SCN4B: variants seen among roughly 807,000 people sequenced by gnomAD.
The protein encoded by SCN4B is sodium voltage-gated channel beta subunit 4, also known as sodium channel regulatory subunit beta-4.
In SCN4B, 20 loss-of-function variants were observed where a neutral mutation model predicts 19.6. The observed-to-expected ratio is 1.02, with a 90% CI of 0.72 to 1.48. The LOEUF is 1.48. Ranked by LOEUF, SCN4B falls within the 40% of genes most tolerant of loss-of-function variation. SCN4B has a pLI of 0.00. For synonymous variants in SCN4B, 127 were observed against 122.8 expected (o/e 1.03, Z -0.22); for missense variants, 271 against 287.5 (o/e 0.94, Z 0.42).
chr11:118,135,596 C>A lies in SCN4B; in HGVS notation c.*1431G>T, dbSNP rs1242695171. ...ACCTCCCCCTAGGGCAGGCTAGAAA[C>A]CCCAATGGGAGCACCTGGCCGACAT... On this transcript the variant is annotated 3_prime_UTR_variant, in exon 5 of 5. Transcript: ENST00000324727. 4 of 454,122 alleles carry A rather than the reference C, an allele frequency of 8.8e-6. No homozygotes were observed. The highest frequency in any genetic ancestry group is 7.0e-5 in the Admixed American group (3 of 42,578). 28.1% of individuals were successfully genotyped at this position (454,122 alleles called of 1,614,324 possible).
chr11:118,136,187 G>A lies in SCN4B; in HGVS notation c.*840C>T, dbSNP rs1405791742. ...GGGGCTGCCAGCATTGGCAGCAATG[G>A]GGCGGGCATCCCAGAGGCCCAGGAC... On this transcript the variant is annotated 3_prime_UTR_variant, in exon 5 of 5. Coordinates refer to ENST00000324727, the MANE Select transcript of SCN4B (RefSeq NM_174934.4). The A allele has an allele frequency of 2.2e-6, 1 of 453,676 alleles. No individual in the cohort carries two copies. The highest frequency in any genetic ancestry group is 4.4e-6 in the Non-Finnish European group (1 of 226,694). 28.1% of individuals were successfully genotyped at this position (453,676 alleles called of 1,614,324 possible).
intron 1 of SCN4B, among the ~76,000 whole-genome samples, chr11:118,147,004 G>A (rs910621772): frequency 2.6e-5 from 4 of 152,148 alleles, no homozygotes; most frequent in South Asian, 4.1e-4. Flanking sequence ...ACTTGAGAGC[G>A]CATCAGAATC....
chr11:118,150,555 G>A lies in SCN4B; in HGVS notation c.61+2058C>T, dbSNP rs142952750. On this transcript the variant is annotated intron_variant, in intron 1 of 4. Coordinates refer to ENST00000324727, the MANE Select transcript of SCN4B (RefSeq NM_174934.4). Reference sequence around the variant, plus strand: ...AGACTTGAGTTAAGTGGGAAGCAGCGTGGTGTGACAGAGCCCAAGAAACTT... The same window carrying A: ...AGACTTGAGTTAAGTGGGAAGCAGCATGGTGTGACAGAGCCCAAGAAACTT... 6.1e-4 allele frequency among the ~76,000 whole-genome samples: 93 copies of A among 152,242 alleles called. No individual in the cohort carries two copies. The East Asian group carries it at 0.016, about 27-fold the overall frequency.
At position 118,134,325 on chromosome 11, in the gene SCN4B, T is replaced by C; in HGVS notation, c.*2702A>G. 2.2e-6 allele frequency: 1 copy of C among 454,116 alleles called. No homozygotes were observed. The highest frequency in any genetic ancestry group is 1.6e-5 in the South Asian group (1 of 64,480). The allele number at this position is 454,116 out of a possible 1,614,324, so 28.1% of individuals were successfully genotyped here. ...GCCAGGTCTCTCAAGATCGACTTTG[T>C]AAGTGGCTCTCTCTAGCCCACAAGC... On this transcript the variant is annotated 3_prime_UTR_variant, in exon 5 of 5. Coordinates refer to ENST00000324727, the MANE Select transcript of SCN4B (RefSeq NM_174934.4).
rs1308585531 is a variant in SCN4B at position 118,134,494 on chromosome 11, T to C, written c.*2533A>G. 1.5e-5 allele frequency: 7 copies of C among 454,000 alleles called. No individual in the cohort carries two copies. Among genetic ancestry groups the C allele is most frequent in the Non-Finnish European group, 3.1e-5 (7 of 226,796 alleles). The allele number at this position is 454,000 out of a possible 1,614,324, so 28.1% of individuals were successfully genotyped here. ...CATGGGACAGGATGATTCTTTGTTGTGGGGACTAAGTTTAGCATTCTTAGT... is the reference window on the plus strand; with the variant it reads ...CATGGGACAGGATGATTCTTTGTTGCGGGGACTAAGTTTAGCATTCTTAGT... On this transcript the variant is annotated 3_prime_UTR_variant, in exon 5 of 5. Transcript: ENST00000324727.
intron 4 of SCN4B, among the ~76,000 whole-genome samples, chr11:118,139,703 G>A (rs184428671): frequency 1.3e-5 from 2 of 152,194 alleles, no homozygotes; most frequent in African/African-American, 2.4e-5. Context: ...TGTGGCCTTG[G>A]GCAAGTCACT....
intron 1 of SCN4B, among the ~76,000 whole-genome samples, chr11:118,145,980 G>T (rs1270693048): frequency 2.0e-5 from 3 of 152,074 alleles, no homozygotes; most frequent in Non-Finnish European, 4.4e-5. Flanking sequence ...TGGCAGCCGC[G>T]GGGGCGCGCG....
intron 4 of SCN4B, among the ~76,000 whole-genome samples, chr11:118,139,319 T>C (rs1263882705): frequency 2.0e-5 from 3 of 152,130 alleles, no homozygotes; most frequent in Non-Finnish European, 4.4e-5. Flanking sequence ...GCTTAAGTTA[T>C]ATTAATCTTG....
In SCN4B at chr11:118,135,215, C is replaced by T. The variant is rs1157136931; in HGVS notation, c.*1812G>A. 1 of 453,886 alleles carries T rather than the reference C, an allele frequency of 2.2e-6. No homozygotes were observed. Among genetic ancestry groups the T allele is most frequent in the Non-Finnish European group, 4.4e-6 (1 of 226,622 alleles). 28.1% of individuals were successfully genotyped at this position (453,886 alleles called of 1,614,324 possible). ...TAGAGAAGAATGGGAGGCGCACAGG[C>T]AGATCAGACGGGGAACTGGTGAGCC... On this transcript the variant is annotated 3_prime_UTR_variant, in exon 5 of 5. Coordinates refer to ENST00000324727, the MANE Select transcript of SCN4B (RefSeq NM_174934.4).
At chr11:118,146,595 G>A (rs1432188346) in intron 1 of SCN4B, among the ~76,000 whole-genome samples, 1 of 152,228 alleles carries the variant, frequency 6.6e-6, no homozygotes, top group African/African-American at 2.4e-5. Context: ...ACAGCAGGCA[G>A]CCCTGCTTGC....
intron 4 of SCN4B, among the ~76,000 whole-genome samples, chr11:118,138,124 C>T (rs1948044744): frequency 6.6e-6 from 1 of 152,154 alleles, no homozygotes. Context: ...GCTGGGCACA[C>T]AGAACTCCCC....
At chr11:118,137,182 G>T in intron 4 of SCN4B, 62 bp from the exon 5 acceptor site, 1 of 1,286,188 alleles carries the variant, frequency 7.8e-7, no homozygotes, top group Non-Finnish European at 1.1e-6. Context: ...GGAGAATTGT[G>T]GCAGGAGCCG....
At chr11:118,144,957 G>T in intron 2 of SCN4B, 100 bp downstream of exon 2, 7 of 1,207,282 alleles carry the variant, frequency 5.8e-6, no homozygotes, top group Non-Finnish European at 8.6e-6. Context: ...GGGTTCTGGG[G>T]ACCATCGCAG....
Position 118,141,252 on chromosome 11 carries a change from A to G in SCN4B, c.548T>C (p.Ile183Thr). ...VIGLLILILL[I>T]KKLIIFILKK... ...CAGGATGAAGATGATGAGTTTCTTG[A>G]TCAGCAGGATGAGGATGAGGAGCCC... Residue 183 changes from isoleucine (I) to threonine (T), a missense_variant, in exon 4 of 5, where the codon ATC becomes ACC. By Grantham distance (89) the Ile-to-Thr change is moderately conservative. Transcript: ENST00000324727. The G allele has an allele frequency of 6.2e-7, 1 of 1,612,930 alleles. No individual in the cohort carries two copies. Among genetic ancestry groups the G allele is most frequent in the East Asian group, 2.2e-5 (1 of 44,882 alleles).
rs928875281 is a variant in SCN4B, at chr11:118,144,979, C to A, written c.234+78G>T. The A allele has an allele frequency of 3.5e-6, 5 of 1,446,526 alleles. No homozygotes were observed. In the African/African-American group the frequency reaches 5.6e-5, roughly 16 times the overall value. 89.6% of individuals were successfully genotyped at this position (1,446,526 alleles called of 1,614,324 possible). ...GGGGACCATCGCAGTGGGTCTCAGT[C>A]CAGAAGGGACCAGAGCGTAGGAGGC... On this transcript the variant is annotated intron_variant, in intron 2 of 4. Coordinates refer to ENST00000324727, the MANE Select transcript of SCN4B (RefSeq NM_174934.4).
rs1036752554 is a variant in SCN4B at position 118,145,308 on chromosome 11, G to T, written c.62-79C>A. ...GAAGGGGATGCTTAGGCAGGGCGGA[G>T]TAGCTTGGCCAGGCAGGTAGGTCTC... On this transcript the variant is annotated intron_variant, in intron 1 of 4. Transcript: ENST00000324727. 2.5e-6 allele frequency: 4 copies of T among 1,599,768 alleles called. No homozygotes were observed. The highest frequency in any genetic ancestry group is 3.4e-6 in the Non-Finnish European group (4 of 1,175,906).
At chr11:118,141,069 T>G (rs1410044692) in intron 4 of SCN4B, 138 bp downstream of exon 4, 6 of 883,352 alleles carry the variant, frequency 6.8e-6, no homozygotes, top group Admixed American at 3.6e-5. Flanking sequence ...GGGGAGGGGG[T>G]GGCAGGGATA....
Position 118,134,059 on chromosome 11 carries a change from C to T in SCN4B, c.*2968G>A, listed in dbSNP as rs2135493723. The T allele has an allele frequency of 2.2e-6, 1 of 454,600 alleles. No homozygotes were observed. 28.2% of individuals were successfully genotyped at this position (454,600 alleles called of 1,614,324 possible). On this transcript the variant is annotated 3_prime_UTR_variant, in exon 5 of 5. Transcript: ENST00000324727. ...ACCCCACCTCCTGCCATCTCACAAG[C>T]ATGCTCTCAAGCCCTCGCTCCACAA...
Position 118,135,004 on chromosome 11 carries a change from T to C in SCN4B, c.*2023A>G. Reference sequence around the variant, plus strand: ...TTCTCCCTACTCTACGTGCCTTGGCTTTCTCTTAAGACAGAAGGAGGAGCC... The same window carrying C: ...TTCTCCCTACTCTACGTGCCTTGGCCTTCTCTTAAGACAGAAGGAGGAGCC... On this transcript the variant is annotated 3_prime_UTR_variant, in exon 5 of 5. Coordinates refer to ENST00000324727, the MANE Select transcript of SCN4B (RefSeq NM_174934.4). The C allele has an allele frequency of 2.2e-6, 1 of 454,096 alleles. No homozygotes were observed. The highest frequency in any genetic ancestry group is 1.6e-5 in the South Asian group (1 of 64,464). The allele number at this position is 454,096 out of a possible 1,614,324, so 28.1% of individuals were successfully genotyped here.
Sources: allele counts gnomAD v4.1 joint callset (sites outside exome capture counted in the v4.1 genomes callset), GRCh38; gene constraint gnomAD v4.1.1; transcripts MANE v1.5; gene names NCBI Gene and HGNC (gene_info 2026-07-23, HGNC 2026-07-21).